The following IMMP2L variants were observed in gnomAD, a reference collection of about 807,000 sequenced individuals.
The protein encoded by IMMP2L is mitochondrial inner membrane protease subunit 2.
IMMP2L carries 18 observed loss-of-function variants against 19.3 expected under a neutral mutation model. The ratio of observed to expected loss-of-function variants is 0.93; its 90% CI spans 0.64 to 1.38. The LOEUF is 1.38. Among genes scored for constraint, IMMP2L ranks in the 40% most tolerant of loss-of-function variants. The pLI, the probability that IMMP2L is intolerant of heterozygous loss-of-function variation, is 0.00. For missense variants in IMMP2L, 233 were observed against 218.2 expected, an observed-to-expected ratio of 1.07 and a Z score of -0.43; for synonymous variants, 76 against 73.0, an observed-to-expected ratio of 1.04 and a Z score of -0.21.
intron 4 of IMMP2L, among the ~76,000 whole-genome samples, chr7:110,916,348 G>A (rs1813611021): frequency 6.6e-6 from 1 of 152,130 alleles, no homozygotes; most frequent in Non-Finnish European, 1.5e-5. Flanking sequence ...TTAACATTTT[G>A]TCTACTTTTT....
At chr7:110,914,887 C>G (rs1045566501) in intron 4 of IMMP2L, among the ~76,000 whole-genome samples, 2 of 152,050 alleles carry the variant, frequency 1.3e-5, no homozygotes, top group South Asian at 2.1e-4. Context: ...CAAATGAAAA[C>G]CACAACATAG....
At chr7:111,405,178 T>C (rs1833805905) in intron 3 of IMMP2L, among the ~76,000 whole-genome samples, 1 of 152,076 alleles carries the variant, frequency 6.6e-6, no homozygotes, top group South Asian at 2.1e-4. Context: ...CTAGACAATG[T>C]GCAATGGTGT....
At chr7:110,678,491 A>T (rs1437711268) in intron 5 of IMMP2L, among the ~76,000 whole-genome samples, 4 of 152,128 alleles carry the variant, frequency 2.6e-5, no homozygotes, top group Non-Finnish European at 5.9e-5. Context: ...AATCAGAGAC[A>T]TAGGCTCAAT....
At chr7:111,447,290 T>G (rs1053890047) in intron 3 of IMMP2L, among the ~76,000 whole-genome samples, 2 of 112,604 alleles carry the variant, frequency 1.8e-5, no homozygotes, top group Admixed American at 1.7e-4. Context: ...GGAAAAAATG[T>G]TAAGGGCAGC....
At chr7:110,873,000 G>A (rs1374693275) in intron 5 of IMMP2L, among the ~76,000 whole-genome samples, 2 of 152,178 alleles carry the variant, frequency 1.3e-5, no homozygotes, top group East Asian at 3.9e-4. Context: ...TGTCTTTGGA[G>A]ACAAGTGAAG....
In IMMP2L at chr7:111,018,309, G is replaced by A. The variant is rs774202387; in HGVS notation, c.240-54744C>T. Among the ~76,000 whole-genome samples the A allele has an allele frequency of 6.6e-5, 10 of 152,094 alleles. No homozygotes were observed. In the South Asian group the frequency reaches 8.3e-4, roughly 13 times the overall value. On this transcript the variant is annotated intron_variant, in intron 3 of 5. Coordinates refer to ENST00000405709, the MANE Select transcript of IMMP2L (RefSeq NM_032549.4). ...CAGTATTAATGGGACAAGTGTTAGC[G>A]GCTCTGTGGCGCAAGTGTTAATACT...
intron 1 of IMMP2L, among the ~76,000 whole-genome samples, chr7:111,537,362 G>GGT (rs1847975481): frequency 6.6e-6 from 1 of 151,918 alleles, no homozygotes; most frequent in African/African-American, 2.4e-5. Context: ...AGGTCAACAT[G>GGT]GTAGTGAGCC....
At chr7:110,889,641 G>A (rs1810584607) in intron 4 of IMMP2L, among the ~76,000 whole-genome samples, 1 of 152,164 alleles carries the variant, frequency 6.6e-6, no homozygotes, top group South Asian at 2.1e-4. Context: ...TGGGGGTTAG[G>A]GACTCCTGCC....
intron 4 of IMMP2L, among the ~76,000 whole-genome samples, chr7:110,890,662 T>A (rs1810699697): frequency 6.6e-6 from 1 of 152,184 alleles, no homozygotes; most frequent in South Asian, 2.1e-4. Context: ...GGTGTCAGCC[T>A]ACAAGGTTGT....
intron 3 of IMMP2L, among the ~76,000 whole-genome samples, chr7:111,198,255 T>A (rs1809715460): frequency 6.6e-6 from 1 of 152,182 alleles, no homozygotes; most frequent in Non-Finnish European, 1.5e-5. Flanking sequence ...GATGTGACAA[T>A]TCCTCTAAAT....
chr7:111,288,156 A>G (rs749496138), intron 3 of IMMP2L, among the ~76,000 whole-genome samples: 10 of 152,150 alleles, frequency 6.6e-5, no homozygotes, highest in Admixed American at 1.3e-4. Context: ...AGTTTCAAAG[A>G]CAGCAGAGAT....
chr7:111,425,558 TATAG>T (rs1178828287), intron 3 of IMMP2L, among the ~76,000 whole-genome samples: 2 of 151,074 alleles, frequency 1.3e-5, no homozygotes, highest in Non-Finnish European at 3.0e-5. Flanking sequence ...GGGATTAAAA[TATAG>T]ATAGATAAGA....
rs536178377 is a variant in IMMP2L at position 110,970,243 on chromosome 7, T to C, written c.240-6678A>G. On this transcript the variant is annotated intron_variant, in intron 3 of 5. Transcript: ENST00000405709. Reference sequence around the variant, plus strand: ...TTAACTATGAAAAACTTAAGGAATTTAGTATAATCATAACAATAAATTAAT... The same window carrying C: ...TTAACTATGAAAAACTTAAGGAATTCAGTATAATCATAACAATAAATTAAT... 5.9e-5 allele frequency among the ~76,000 whole-genome samples: 9 copies of C among 152,290 alleles called. 1 individual carries two copies. The South Asian group carries it at 1.9e-3, about 32-fold the overall frequency.
intron 3 of IMMP2L, among the ~76,000 whole-genome samples, chr7:111,236,342 T>C (rs911318909): frequency 1.4e-4 from 22 of 152,288 alleles, no homozygotes; most frequent in South Asian, 1.0e-3. Context: ...GCAAATCCTA[T>C]AGAAGTTGGC....
At chr7:111,032,680 G>A (rs968704799) in intron 3 of IMMP2L, among the ~76,000 whole-genome samples, 1 of 152,098 alleles carries the variant, frequency 6.6e-6, no homozygotes, top group Admixed American at 6.6e-5. Flanking sequence ...AAATTAGCCA[G>A]GCATAGTGGT....
chr7:110,887,619 T>C (rs1402072477), intron 4 of IMMP2L, among the ~76,000 whole-genome samples: 1 of 151,428 alleles, frequency 6.6e-6, no homozygotes, highest in African/African-American at 2.4e-5. Flanking sequence ...TTTACCTAAA[T>C]ATTCAACAAC....
intron 3 of IMMP2L, among the ~76,000 whole-genome samples, chr7:111,029,415 TA>T (rs1330208829): frequency 6.6e-6 from 1 of 152,114 alleles, no homozygotes; most frequent in East Asian, 1.9e-4. Context: ...AATGGAAACA[TA>T]AAAAGGTCAA....
intron 3 of IMMP2L, among the ~76,000 whole-genome samples, chr7:111,039,610 C>T (rs1225340880): frequency 1.3e-5 from 2 of 152,102 alleles, no homozygotes; most frequent in Non-Finnish European, 2.9e-5. Context: ...TCCCTGCTTG[C>T]ATGTTAGTCC....
chr7:110,956,882 A>G (rs1818407295), intron 4 of IMMP2L, among the ~76,000 whole-genome samples: 1 of 152,038 alleles, frequency 6.6e-6, no homozygotes, highest in Admixed American at 6.6e-5. Flanking sequence ...TGGTTGCCTC[A>G]CATTGACTTG....
Sources: gnomAD v4.1 joint callset for allele counts (sites outside exome capture counted in the v4.1 genomes callset) on GRCh38, gnomAD v4.1.1 for gene constraint, MANE v1.5 for transcripts, NCBI Gene and HGNC (gene_info 2026-07-23, HGNC 2026-07-21) for gene names.